Variants in CACNA2D3 observed in about 807,000 individuals in gnomAD.
CACNA2D3 encodes the protein calcium voltage-gated channel auxiliary subunit alpha2delta 3.
CACNA2D3 carries 60 observed loss-of-function variants against 160.6 expected under a neutral mutation model. The ratio of observed to expected loss-of-function variants is 0.37; its 90% confidence interval spans 0.30 to 0.46. The LOEUF is 0.46. CACNA2D3 is among the 20% of genes least tolerant of loss of function. CACNA2D3 has a pLI of 1.00. For missense variants in CACNA2D3, 1,205 were observed against 1,365.0 expected, an observed-to-expected ratio of 0.88 and a Z score of 1.85; for synonymous variants, 558 against 492.9, an observed-to-expected ratio of 1.13 and a Z score of -1.75.
chr3:54,764,806 A>G (rs541152586), intron 13 of CACNA2D3, among the ~76,000 whole-genome samples: 2 of 152,166 alleles, frequency 1.3e-5, no homozygotes, highest in Non-Finnish European at 2.9e-5. Context: ...TTTTCTTCCC[A>G]TGCATAAGTG....
intron 2 of CACNA2D3, among the ~76,000 whole-genome samples, chr3:54,157,108 AG>A (rs755057350): frequency 2.6e-4 from 39 of 152,126 alleles, no homozygotes; most frequent in Non-Finnish European, 3.8e-4. Flanking sequence ...GTTTCTGGTG[AG>A]GGCTTTCTTT....
chr3:54,914,578 A>G (rs1026986437), intron 27 of CACNA2D3, among the ~76,000 whole-genome samples: 4 of 152,234 alleles, frequency 2.6e-5, no homozygotes, highest in African/African-American at 9.6e-5. Context: ...AAGGGATTAT[A>G]TATCAGTAAA....
chr3:54,600,037 C>G (rs1421128670), intron 9 of CACNA2D3, among the ~76,000 whole-genome samples: 1 of 152,180 alleles, frequency 6.6e-6, no homozygotes, highest in Non-Finnish European at 1.5e-5. Flanking sequence ...TATTTTTTTG[C>G]CTGAAACACT....
intron 5 of CACNA2D3, among the ~76,000 whole-genome samples, chr3:54,520,056 G>A (rs893108440): frequency 3.9e-5 from 6 of 152,358 alleles, no homozygotes; most frequent in Middle Eastern, 3.4e-3. Flanking sequence ...GGAAACTAAA[G>A]TGGCCAGTGG....
intron 4 of CACNA2D3, among the ~76,000 whole-genome samples, chr3:54,493,346 G>A (rs1453322005): frequency 6.6e-6 from 1 of 152,024 alleles, no homozygotes; most frequent in Admixed American, 6.5e-5. Context: ...CAAAATGTTA[G>A]GATTTCAGGC....
intron 5 of CACNA2D3, among the ~76,000 whole-genome samples, chr3:54,517,913 G>T (rs1041563718): frequency 6.6e-6 from 1 of 152,100 alleles, no homozygotes; most frequent in African/African-American, 2.4e-5. Flanking sequence ...GCCTAAAGTT[G>T]CCCCGGGCAT....
At chr3:54,525,029 A>G (rs945811164) in intron 5 of CACNA2D3, among the ~76,000 whole-genome samples, 1 of 152,146 alleles carries the variant, frequency 6.6e-6, no homozygotes, top group African/African-American at 2.4e-5. Context: ...ATATTCATAT[A>G]GCACATGTGT....
intron 5 of CACNA2D3, among the ~76,000 whole-genome samples, chr3:54,546,623 A>C (rs546060905): frequency 1.1e-4 from 16 of 152,260 alleles, no homozygotes; most frequent in Admixed American, 7.2e-4. Context: ...TGTTTTTTGA[A>C]AATGACTCCT....
At chr3:54,733,823 G>T (rs894144038) in intron 11 of CACNA2D3, among the ~76,000 whole-genome samples, 6 of 152,068 alleles carry the variant, frequency 3.9e-5, no homozygotes, top group South Asian at 2.1e-4. Context: ...TGCCTCCAGC[G>T]GTCTGAACTG....
At chr3:54,957,795 C>T (rs1044842226) in intron 27 of CACNA2D3, among the ~76,000 whole-genome samples, 3 of 152,160 alleles carry the variant, frequency 2.0e-5, no homozygotes, top group Non-Finnish European at 2.9e-5. Flanking sequence ...GATGAGCACG[C>T]ATGACCCCTA....
chr3:54,427,377 C>T (rs1031405993), intron 4 of CACNA2D3, among the ~76,000 whole-genome samples: 21 of 152,010 alleles, frequency 1.4e-4, no homozygotes, highest in Non-Finnish European at 2.1e-4. Context: ...TAAGATGTGC[C>T]GGGAGGGCCT....
chr3:54,659,004 A>G (rs1253337652), intron 11 of CACNA2D3, among the ~76,000 whole-genome samples: 2 of 152,116 alleles, frequency 1.3e-5, no homozygotes, highest in East Asian at 1.9e-4. Flanking sequence ...CCAGATTGCC[A>G]CATTGACTTA....
chr3:54,500,289 T>C lies in CACNA2D3; in HGVS notation c.382-3203T>C, dbSNP rs534239331. On this transcript the variant is annotated intron_variant, in intron 4 of 37. Transcript: ENST00000474759. ...TACTTTTAATATATCTGTGTCTTTATGTTTAAAGTGGGCTTCTTATGGACA... is the reference window on the plus strand; with the variant it reads ...TACTTTTAATATATCTGTGTCTTTACGTTTAAAGTGGGCTTCTTATGGACA... 4.1e-4 allele frequency among the ~76,000 whole-genome samples: 62 copies of C among 152,326 alleles called. 1 individual carries two copies. Among genetic ancestry groups the C allele is most frequent in the African/African-American group, 1.5e-3 (62 of 41,600 alleles).
chr3:54,247,488 A>T (rs1702103414), intron 2 of CACNA2D3, among the ~76,000 whole-genome samples: 1 of 152,248 alleles, frequency 6.6e-6, no homozygotes, highest in African/African-American at 2.4e-5. Flanking sequence ...TTTTAGAAAT[A>T]AAGATTAAAC....
chr3:54,139,458 CAT>C (rs1426288404), intron 2 of CACNA2D3, among the ~76,000 whole-genome samples: 1 of 152,230 alleles, frequency 6.6e-6, no homozygotes, highest in Admixed American at 6.5e-5. Context: ...GCAGAAATGA[CAT>C]AGCATTTTGG....
chr3:54,838,100 G>GT (rs1160212321), intron 15 of CACNA2D3, among the ~76,000 whole-genome samples: 3 of 152,172 alleles, frequency 2.0e-5, no homozygotes, highest in African/African-American at 7.2e-5. Flanking sequence ...GTTGGTAAAA[G>GT]TGTTAGGGTT....
At chr3:54,747,197 T>A (rs1701766541) in intron 11 of CACNA2D3, among the ~76,000 whole-genome samples, 1 of 152,076 alleles carries the variant, frequency 6.6e-6, no homozygotes, top group Non-Finnish European at 1.5e-5. Flanking sequence ...GGACATTTTT[T>A]AAAATGTATA....
intron 11 of CACNA2D3, among the ~76,000 whole-genome samples, chr3:54,709,429 T>G (rs546603547): frequency 6.6e-6 from 1 of 151,894 alleles, no homozygotes; most frequent in South Asian, 2.1e-4. Flanking sequence ...TGGCATGATC[T>G]CGATTCACTA....
intron 35 of CACNA2D3, among the ~76,000 whole-genome samples, chr3:55,056,391 G>C (rs1264441138): frequency 6.6e-6 from 1 of 152,148 alleles, no homozygotes; most frequent in Non-Finnish European, 1.5e-5. Context: ...ATAGAAAACT[G>C]TATGGAGTTT....
Sources: allele counts gnomAD v4.1 joint callset (sites outside exome capture counted in the v4.1 genomes callset), GRCh38; gene constraint gnomAD v4.1.1; transcripts MANE v1.5; gene names NCBI Gene and HGNC (gene_info 2026-07-23, HGNC 2026-07-21).